BMPR2: variants seen among roughly 807,000 people sequenced by gnomAD.
BMPR2 encodes the protein bone morphogenetic protein receptor type-2.
BMPR2 carries 29 observed loss-of-function variants against 100.8 expected under a neutral mutation model. The ratio of observed to expected loss-of-function variants is 0.29; its 90% confidence interval spans 0.21 to 0.39. The LOEUF is 0.39. BMPR2 is among the 10% of genes least tolerant of loss of function. BMPR2 has a pLI of 1.00. For missense variants in BMPR2, 1,011 were observed against 1,274.5 expected (o/e 0.79, Z 3.15); for synonymous variants, 382 against 442.3 (o/e 0.86, Z 1.71).
intron 9 of BMPR2, among the ~76,000 whole-genome samples, chr2:202,540,200 T>C (rs893505635): frequency 2.8e-4 from 43 of 152,166 alleles, no homozygotes; most frequent in African/African-American, 9.9e-4. Context: ...AGAGTGAAAT[T>C]GTGAATTTTT....
chr2:202,479,417 G>A (rs1273377339), intron 3 of BMPR2, among the ~76,000 whole-genome samples: 1 of 151,214 alleles, frequency 6.6e-6, no homozygotes, highest in African/African-American at 2.5e-5. Context: ...TATATAAACA[G>A]TATGTAGATT....
chr2:202,511,782 G>A (rs2106000501), intron 3 of BMPR2, among the ~76,000 whole-genome samples: 2 of 152,144 alleles, frequency 1.3e-5, no homozygotes, highest in Middle Eastern at 3.4e-3. Context: ...ACTTTGGGAG[G>A]CCAAAGTGGG....
At chr2:202,385,591 C>A (rs1309055819) in intron 1 of BMPR2, among the ~76,000 whole-genome samples, 2 of 150,018 alleles carry the variant, frequency 1.3e-5, no homozygotes, top group Non-Finnish European at 3.0e-5. Context: ...GTCTCGAACT[C>A]CTGACCTCGT....
chr2:202,397,742 C>T (rs1690681936), intron 1 of BMPR2, among the ~76,000 whole-genome samples: 1 of 151,494 alleles, frequency 6.6e-6, no homozygotes, highest in South Asian at 2.1e-4. Flanking sequence ...TCAAGCAATC[C>T]TCCCACCTCA....
intron 9 of BMPR2, among the ~76,000 whole-genome samples, chr2:202,534,927 CG>C (rs1688105611): frequency 8.0e-6 from 1 of 124,442 alleles, no homozygotes; most frequent in African/African-American, 3.2e-5. Context: ...CCCTCCCGGA[CG>C]GGGCGGCTGG....
At chr2:202,501,711 G>T (rs189127802) in intron 3 of BMPR2, among the ~76,000 whole-genome samples, 15 of 152,254 alleles carry the variant, frequency 9.9e-5, no homozygotes, top group Admixed American at 9.8e-4. Context: ...GGCATACTAG[G>T]TGCCAAAGGA....
chr2:202,402,212 A>G (rs543904870), intron 1 of BMPR2, among the ~76,000 whole-genome samples: 1 of 152,270 alleles, frequency 6.6e-6, no homozygotes, highest in African/African-American at 2.4e-5. Context: ...TGAGTTTAGC[A>G]TACTTGTGTT....
At position 202,515,231 on chromosome 2, in the gene BMPR2, A is replaced by G. The variant is rs138467400; in HGVS notation, c.621+252A>G. On this transcript the variant is annotated intron_variant, in intron 5 of 12. Coordinates refer to ENST00000374580, the MANE Select transcript of BMPR2 (RefSeq NM_001204.7). The stretch of plus-strand genomic sequence containing the variant: ...ATAATTGCAAGTAGTAGTAAGTGCT[A>G]TGAAGAAAAGTACAGTGGATAAGAA... 4.8e-3 allele frequency among the ~76,000 whole-genome samples: 731 copies of G among 152,220 alleles called. 19 individuals carry two copies. The highest frequency in any genetic ancestry group is 0.035 in the Admixed American group (533 of 15,266).
intron 1 of BMPR2, among the ~76,000 whole-genome samples, chr2:202,427,460 G>C (rs1574443055): frequency 6.7e-6 from 1 of 149,582 alleles, no homozygotes; most frequent in Non-Finnish European, 1.5e-5. Flanking sequence ...AGCAAACAGT[G>C]CTTTTGTGGA....
Position 202,556,438 on chromosome 2 carries a change from G to T in BMPR2, c.2773G>T (p.Ala925Ser). The change falls in exon 12 of 13, where the codon GCA (alanine) becomes TCA (serine). Residue 925 changes from alanine to serine, a missense_variant. Transcript: ENST00000374580. ...VLAQGVPSTA[A>S]DPGPSKPRRA... ...TGCACAGGGTGTTCCAAGCACAGCA[G>T]CAGATCCTGGGCCATCAAAGCCCAG... The T allele has an allele frequency of 6.2e-7, 1 of 1,614,180 alleles. No individual in the cohort carries two copies. The highest frequency in any genetic ancestry group is 8.5e-7 in the Non-Finnish European group (1 of 1,180,048).
rs1010679746 is a variant in BMPR2, at chr2:202,433,273, G to GTAGA, written c.77-31529_77-31526dup. ...AGTAGATAGGTAGGTAGGTAGGTAGGTAGATAGATATATGTATAGATAGAT... is the reference window on the plus strand; with the variant it reads ...AGTAGATAGGTAGGTAGGTAGGTAGGTAGATAGATAGATATATGTATAGATAGAT... On this transcript the variant is annotated intron_variant, in intron 1 of 12. Coordinates refer to ENST00000374580, the MANE Select transcript of BMPR2 (RefSeq NM_001204.7). Among the ~76,000 whole-genome samples, 8 of 150,486 alleles carry GTAGA rather than the reference G, an allele frequency of 5.3e-5. 2 individuals are homozygous for GTAGA. The highest frequency in any genetic ancestry group is 2.1e-4 in the South Asian group (1 of 4,822).
chr2:202,440,290 G>A (rs1691709819), intron 1 of BMPR2, among the ~76,000 whole-genome samples: 1 of 148,896 alleles, frequency 6.7e-6, no homozygotes, highest in African/African-American at 2.6e-5. Flanking sequence ...TCCCAGACGG[G>A]GTGGTGGTAG....
chr2:202,507,311 G>A (rs1687538250), intron 3 of BMPR2, among the ~76,000 whole-genome samples: 1 of 152,114 alleles, frequency 6.6e-6, no homozygotes, highest in Admixed American at 6.5e-5. Context: ...CTTGTTATCA[G>A]GGAAGTGTTT....
At chr2:202,478,509 A>G (rs1435831728) in intron 3 of BMPR2, among the ~76,000 whole-genome samples, 1 of 152,196 alleles carries the variant, frequency 6.6e-6, no homozygotes, top group Non-Finnish European at 1.5e-5. Context: ...AGTAGTCCCA[A>G]CTGTTTGGAA....
At chr2:202,533,715 C>T (rs930559242) in intron 9 of BMPR2, among the ~76,000 whole-genome samples, 20 of 151,988 alleles carry the variant, frequency 1.3e-4, no homozygotes, top group East Asian at 3.9e-4. Context: ...CCCAGCTACT[C>T]GGGAGGCTGG....
chr2:202,393,898 A>C (rs924408103), intron 1 of BMPR2, among the ~76,000 whole-genome samples: 11 of 106,182 alleles, frequency 1.0e-4, no homozygotes, highest in African/African-American at 2.8e-4. Context: ...AGAGAGAGAG[A>C]GAGAGAGAGA....
At chr2:202,383,850 C>G (rs1401403233) in intron 1 of BMPR2, among the ~76,000 whole-genome samples, 4 of 139,516 alleles carry the variant, frequency 2.9e-5, no homozygotes, top group African/African-American at 7.9e-5. Context: ...GACTCCATCT[C>G]AAAAAAAAAA....
intron 1 of BMPR2, among the ~76,000 whole-genome samples, chr2:202,384,556 CTTTCTTTCTTTCT>C (rs1381694715): frequency 2.0e-5 from 1 of 50,214 alleles, no homozygotes; most frequent in Non-Finnish European, 3.9e-5. Flanking sequence ...TTCTTTCTTT[CTTTCTTTCTTTCT>C]TTTTCTTTCT....
chr2:202,523,550 T>C (rs1687855568), intron 7 of BMPR2, among the ~76,000 whole-genome samples: 1 of 152,190 alleles, frequency 6.6e-6, no homozygotes, highest in African/African-American at 2.4e-5. Context: ...ACGCCTGTAA[T>C]CCCAGCACTT....
Sources: allele counts gnomAD v4.1 joint callset (sites outside exome capture counted in the v4.1 genomes callset), GRCh38; gene constraint gnomAD v4.1.1; transcripts MANE v1.5; gene names NCBI Gene and HGNC (gene_info 2026-07-23, HGNC 2026-07-21).